Variants in TMEM132D observed in about 807,000 individuals in gnomAD.
The protein encoded by TMEM132D is mature OL transmembrane protein.
A neutral mutation model predicts 62.3 loss-of-function variants in TMEM132D; 21 were observed. That is an observed-to-expected ratio of 0.34 (90% confidence interval 0.24 to 0.49). The LOEUF (loss-of-function observed/expected upper bound fraction) is 0.49, where lower values mean the gene tolerates loss of function less well. Among genes scored for constraint, TMEM132D ranks in the 20% least tolerant of loss-of-function variants. TMEM132D has a pLI of 0.99. For synonymous variants in TMEM132D, 621 were observed against 575.6 expected (o/e 1.08, Z -1.13); for missense variants, 1,346 against 1,402.8 (o/e 0.96, Z 0.65).
intron 2 of TMEM132D, among the ~76,000 whole-genome samples, chr12:129,630,079 A>G (rs1363971091): frequency 6.6e-6 from 1 of 152,242 alleles, no homozygotes; most frequent in East Asian, 1.9e-4. Context: ...ACAGACACAC[A>G]AAAAGAACTT....
chr12:129,615,790 C>CAAAAT (rs1390283857), intron 2 of TMEM132D, among the ~76,000 whole-genome samples: 137 of 138,382 alleles, frequency 9.9e-4, no homozygotes, highest in South Asian at 5.7e-3. Context: ...CAAAACAAAA[C>CAAAAT]AAAACAAAAT....
intron 1 of TMEM132D, among the ~76,000 whole-genome samples, chr12:129,872,436 G>T (rs1229834150): frequency 1.3e-5 from 2 of 152,140 alleles, no homozygotes; most frequent in African/African-American, 4.8e-5. Flanking sequence ...CCCTGCCTGG[G>T]GTCCCCAGCT....
At chr12:129,436,920 TA>T (rs1287328364) in intron 3 of TMEM132D, among the ~76,000 whole-genome samples, 2 of 152,132 alleles carry the variant, frequency 1.3e-5, no homozygotes, top group Admixed American at 6.6e-5. Context: ...TTGATACATT[TA>T]AAAAATAGTA....
intron 4 of TMEM132D, chr12:129,211,113 A>G (rs1223260723): frequency 2.0e-5 from 3 of 152,202 alleles, no homozygotes; most frequent in Non-Finnish European, 4.4e-5. Context: ...AGAAGTCCCA[A>G]TATAACCCCA....
chr12:129,655,977 T>C (rs1190613926), intron 2 of TMEM132D, among the ~76,000 whole-genome samples: 1 of 152,124 alleles, frequency 6.6e-6, no homozygotes, highest in Non-Finnish European at 1.5e-5. Flanking sequence ...CAAGGCTACT[T>C]CCAGGCGTCA....
chr12:129,660,481 G>A (rs1053771978), intron 2 of TMEM132D, among the ~76,000 whole-genome samples: 12 of 152,250 alleles, frequency 7.9e-5, no homozygotes, highest in Admixed American at 5.2e-4. Context: ...ACCCTGTTGC[G>A]TGGACTGTCA....
chr12:129,589,593 C>A (rs1393350826), intron 2 of TMEM132D, among the ~76,000 whole-genome samples: 1 of 152,142 alleles, frequency 6.6e-6, no homozygotes, highest in Non-Finnish European at 1.5e-5. Flanking sequence ...CAACCAGCAA[C>A]TAATACCCTA....
intron 2 of TMEM132D, among the ~76,000 whole-genome samples, chr12:129,570,475 C>T (rs115993575): frequency 1.9e-3 from 288 of 152,326 alleles, no homozygotes; most frequent in African/African-American, 6.7e-3. Flanking sequence ...CTAAAAGGAA[C>T]CACAGGTTCG....
At chr12:129,117,278 G>T (rs531062593) in intron 5 of TMEM132D, among the ~76,000 whole-genome samples, 1 of 151,984 alleles carries the variant, frequency 6.6e-6, no homozygotes, top group Non-Finnish European at 1.5e-5. Flanking sequence ...GGGGGAGGAG[G>T]GGGGAGGAAT....
chr12:129,284,492 G>C (rs1881238621), intron 4 of TMEM132D, among the ~76,000 whole-genome samples: 1 of 152,206 alleles, frequency 6.6e-6, no homozygotes, highest in Admixed American at 6.5e-5. Flanking sequence ...CATGACATCT[G>C]CCACACTGGC....
intron 1 of TMEM132D, among the ~76,000 whole-genome samples, chr12:129,828,629 T>C (rs952846968): frequency 6.6e-5 from 7 of 106,464 alleles, no homozygotes; most frequent in Non-Finnish European, 1.8e-5. Flanking sequence ...TAATGAGAAG[T>C]AAGGAAGAAG....
intron 2 of TMEM132D, among the ~76,000 whole-genome samples, chr12:129,629,315 T>G (rs972653273): frequency 6.6e-6 from 1 of 152,216 alleles, no homozygotes; most frequent in African/African-American, 2.4e-5. Context: ...CTGGTGGCAC[T>G]TTCCAGAATT....
intron 2 of TMEM132D, among the ~76,000 whole-genome samples, chr12:129,547,813 GA>G (rs757040120): frequency 6.6e-6 from 1 of 152,150 alleles, no homozygotes; most frequent in Admixed American, 6.5e-5. Flanking sequence ...GTTATGAAAA[GA>G]AGTTTTACCC....
At position 129,297,737 on chromosome 12, in the gene TMEM132D, CGTT is replaced by C. The variant is rs1295336093; in HGVS notation, c.1299+39894_1299+39896del. 2.6e-5 allele frequency among the ~76,000 whole-genome samples: 4 copies of C among 152,238 alleles called. No homozygotes were observed. In the East Asian group the frequency reaches 7.8e-4, roughly 30 times the overall value. ...GACTGGATAAGCGAGGTTATCAGGT[CGTT>C]ATCAAACGACCTCATCGCCCTGGTG... On this transcript the variant is annotated intron_variant, in intron 4 of 8. Coordinates refer to ENST00000422113, the MANE Select transcript of TMEM132D (RefSeq NM_133448.3).
chr12:129,336,015 T>C (rs954975426), intron 4 of TMEM132D, among the ~76,000 whole-genome samples: 12 of 152,232 alleles, frequency 7.9e-5, no homozygotes, highest in African/African-American at 2.9e-4. Context: ...ATGGAATCCA[T>C]GCACCTGACT....
rs140748378 is a variant in TMEM132D, at chr12:129,357,679, A to AAG, written c.1116-19864_1116-19863dup. Among the ~76,000 whole-genome samples the AAG allele has an allele frequency of 4.6e-4, 70 of 151,590 alleles. 1 individual carries two copies. The South Asian group carries it at 0.013, about 29-fold the overall frequency. Reference sequence around the variant, plus strand: ...GAAAGAAAGAGAAAAGAGAGAAAGAAAGAGAGAGAGAGAGAAGTGAGTGAT... The same window carrying AAG: ...GAAAGAAAGAGAAAAGAGAGAAAGAAAGAGAGAGAGAGAGAGAAGTGAGTGAT... On this transcript the variant is annotated intron_variant, in intron 3 of 8. Coordinates refer to ENST00000422113, the MANE Select transcript of TMEM132D (RefSeq NM_133448.3).
At chr12:129,886,527 C>T (rs1420251261) in intron 1 of TMEM132D, among the ~76,000 whole-genome samples, 1 of 152,142 alleles carries the variant, frequency 6.6e-6, no homozygotes, top group Non-Finnish European at 1.5e-5. Context: ...CATCGCCCCT[C>T]CATTCATATA....
chr12:129,127,763 C>T (rs182930636), intron 5 of TMEM132D, among the ~76,000 whole-genome samples: 6 of 152,188 alleles, frequency 3.9e-5, no homozygotes, highest in Admixed American at 2.6e-4. Context: ...CCTGTCTGAC[C>T]GAGGAGCAGA....
intron 5 of TMEM132D, among the ~76,000 whole-genome samples, chr12:129,190,714 G>C (rs1486873978): frequency 1.3e-5 from 2 of 151,686 alleles, no homozygotes; most frequent in African/African-American, 4.9e-5. Flanking sequence ...CTGAGACCTT[G>C]ATTTTAGCCC....
Sources: allele counts gnomAD v4.1 joint callset (sites outside exome capture counted in the v4.1 genomes callset), GRCh38; gene constraint gnomAD v4.1.1; transcripts MANE v1.5; gene names NCBI Gene and HGNC (gene_info 2026-07-23, HGNC 2026-07-21).